The following CAMK4 variants were observed in gnomAD, a reference collection of about 807,000 sequenced individuals.
CAMK4 encodes the protein calcium/calmodulin dependent protein kinase IV.
In CAMK4, 22 loss-of-function variants were observed where a neutral mutation model predicts 44.9. That is an observed-to-expected ratio of 0.49 (90% CI 0.35 to 0.70). The LOEUF (loss-of-function observed/expected upper bound fraction) is 0.70. Ranked by LOEUF, CAMK4 falls within the 30% of genes least tolerant of loss-of-function variation. The pLI is 0.01. For synonymous variants in CAMK4, 218 were observed against 215.4 expected (o/e 1.01, Z -0.11); for missense variants, 498 against 586.8 (o/e 0.85, Z 1.56).
chr5:111,347,865 G>T (rs946288864), intron 2 of CAMK4, among the ~76,000 whole-genome samples: 2 of 151,982 alleles, frequency 1.3e-5, no homozygotes, highest in Non-Finnish European at 2.9e-5. Context: ...GTCTGTAAGG[G>T]AGGACCTCTA....
At chr5:111,477,476 C>T (rs1212276197) in intron 8 of CAMK4, among the ~76,000 whole-genome samples, 3 of 152,182 alleles carry the variant, frequency 2.0e-5, no homozygotes, top group Non-Finnish European at 4.4e-5. Flanking sequence ...ACATGCAACA[C>T]ATGCCCTGCC....
chr5:111,301,560 G>A (rs750010938), intron 1 of CAMK4, among the ~76,000 whole-genome samples: 7 of 152,108 alleles, frequency 4.6e-5, no homozygotes, highest in Non-Finnish European at 1.0e-4. Flanking sequence ...GGGAATGGGA[G>A]AAAATATAGA....
At chr5:111,244,257 T>G (rs916521471) in intron 1 of CAMK4, among the ~76,000 whole-genome samples, 1 of 152,250 alleles carries the variant, frequency 6.6e-6, no homozygotes. Flanking sequence ...CTACCTTGTA[T>G]GTTTTGCTTA....
chr5:111,285,567 G>A (rs558664307), intron 1 of CAMK4, among the ~76,000 whole-genome samples: 1 of 152,328 alleles, frequency 6.6e-6, no homozygotes, highest in South Asian at 2.1e-4. Flanking sequence ...TGCAATGGAT[G>A]TAATTTCTTA....
chr5:111,418,036 C>A (rs1158858992), intron 5 of CAMK4, among the ~76,000 whole-genome samples: 1 of 151,774 alleles, frequency 6.6e-6, no homozygotes, highest in Non-Finnish European at 1.5e-5. Context: ...TGGGGATTTT[C>A]ATTTGGGAAA....
intron 5 of CAMK4, among the ~76,000 whole-genome samples, chr5:111,415,408 G>A (rs766232471): frequency 1.3e-5 from 2 of 152,192 alleles, no homozygotes; most frequent in Non-Finnish European, 2.9e-5. Flanking sequence ...TACAAGAGTA[G>A]TGATATTGCC....
intron 2 of CAMK4, among the ~76,000 whole-genome samples, chr5:111,363,843 T>C (rs757242649): frequency 6.6e-6 from 1 of 152,118 alleles, no homozygotes; most frequent in Non-Finnish European, 1.5e-5. Context: ...ATACTTACTC[T>C]AAGCACAGTG....
intron 2 of CAMK4, among the ~76,000 whole-genome samples, chr5:111,371,673 T>G (rs923994147): frequency 2.0e-5 from 3 of 152,162 alleles, no homozygotes; most frequent in Non-Finnish European, 2.9e-5. Context: ...TAAAACACAT[T>G]TTTTGGTTTT....
chr5:111,442,395 G>A (rs1383071819), intron 5 of CAMK4, among the ~76,000 whole-genome samples: 1 of 152,078 alleles, frequency 6.6e-6, no homozygotes, highest in South Asian at 2.1e-4. Context: ...CACTCGGAAG[G>A]CTGAGGCAGA....
intron 7 of CAMK4, among the ~76,000 whole-genome samples, chr5:111,458,885 G>A (rs1754535293): frequency 6.6e-6 from 1 of 152,108 alleles, no homozygotes. Flanking sequence ...AGTGACAAGG[G>A]CAGAAAATAG....
At chr5:111,479,844 C>A (rs1170192976) in intron 9 of CAMK4, among the ~76,000 whole-genome samples, 1 of 152,066 alleles carries the variant, frequency 6.6e-6, no homozygotes, top group Admixed American at 6.6e-5. Context: ...ACCCCATGCT[C>A]CTAAACACCT....
chr5:111,481,759 G>T (rs747157430), intron 9 of CAMK4, among the ~76,000 whole-genome samples: 1 of 152,092 alleles, frequency 6.6e-6, no homozygotes, highest in Non-Finnish European at 1.5e-5. Context: ...TCTGACCTGA[G>T]GCAAGTCACT....
At chr5:111,279,578 A>G (rs948440048) in intron 1 of CAMK4, among the ~76,000 whole-genome samples, 3 of 152,212 alleles carry the variant, frequency 2.0e-5, no homozygotes, top group African/African-American at 7.2e-5. Context: ...ACTTTGTGTC[A>G]GGGTACAGTT....
rs1749412613 is a variant in CAMK4 at position 111,336,526 on chromosome 5, CT to C, written c.162-7494del. ...AATTGTTATTTCCACATAAGTTCTT[CT>C]TTTAGCTTACTCTTTCTTGCCTTTA... On this transcript the variant is annotated intron_variant, in intron 1 of 10. Transcript: ENST00000282356. 1.3e-5 allele frequency among the ~76,000 whole-genome samples: 2 copies of C among 150,714 alleles called. 1 individual carries two copies. The highest frequency in any genetic ancestry group is 4.9e-5 in the African/African-American group (2 of 41,170).
At chr5:111,270,843 C>T (rs1398474781) in intron 1 of CAMK4, among the ~76,000 whole-genome samples, 1 of 152,176 alleles carries the variant, frequency 6.6e-6, no homozygotes, top group Non-Finnish European at 1.5e-5. Flanking sequence ...ACCATTCTCA[C>T]ACTGCTATAA....
chr5:111,316,560 A>G (rs1376393001), intron 1 of CAMK4, among the ~76,000 whole-genome samples: 2 of 152,164 alleles, frequency 1.3e-5, no homozygotes, highest in East Asian at 1.9e-4. Flanking sequence ...CTTTAACTGG[A>G]TGTTTGAAGA....
In CAMK4 at chr5:111,490,707, A is replaced by G. The variant is rs1203204470; in HGVS notation, c.*6241A>G. On this transcript the variant is annotated 3_prime_UTR_variant, in exon 11 of 11. Transcript: ENST00000282356. ...CAATACAGTTAATATGCAGCAGCGT[A>G]GAGAACAAATAGCATATTCATAATT... is the stretch of plus-strand genomic sequence containing the variant. 2 of 152,234 alleles carry G rather than the reference A, an allele frequency of 1.3e-5. No homozygotes were observed. The highest frequency in any genetic ancestry group is 2.9e-5 in the Non-Finnish European group (2 of 68,042). 9.4% of individuals were successfully genotyped at this position (152,234 alleles called of 1,614,324 possible). A position where few individuals can be genotyped will look rare whatever the true frequency, so the allele number is the denominator to read the frequency against.
At chr5:111,435,557 T>A (rs1449251908) in intron 5 of CAMK4, among the ~76,000 whole-genome samples, 1 of 152,196 alleles carries the variant, frequency 6.6e-6, no homozygotes, top group African/African-American at 2.4e-5. Context: ...CAGTTCAGCC[T>A]GTCTGTAGGG....
intron 5 of CAMK4, among the ~76,000 whole-genome samples, chr5:111,424,653 T>C (rs1427453887): frequency 6.6e-6 from 1 of 151,720 alleles, no homozygotes; most frequent in Non-Finnish European, 1.5e-5. Context: ...TTCACCATGT[T>C]AGCCAGGATG....
Sources: gnomAD v4.1 joint callset for allele counts (sites outside exome capture counted in the v4.1 genomes callset) on GRCh38, gnomAD v4.1.1 for gene constraint, MANE v1.5 for transcripts, NCBI Gene and HGNC (gene_info 2026-07-23, HGNC 2026-07-21) for gene names.